Variants in AFF1 observed in about 807,000 individuals in gnomAD.
The protein encoded by AFF1 is ALF transcription elongation factor 1, also known as AF4/FMR2 family member 1.
A neutral mutation model predicts 121.7 loss-of-function variants in AFF1; 48 were observed. The observed-to-expected ratio is 0.39, with a 90% CI of 0.31 to 0.50. The LOEUF is 0.50. AFF1 is among the 20% of genes least tolerant of loss of function. AFF1 has a pLI of 0.76. For synonymous variants in AFF1, 613 were observed against 563.0 expected, an observed-to-expected ratio of 1.09 and a Z score of -1.26; for missense variants, 1,523 against 1,511.7, an observed-to-expected ratio of 1.01 and a Z score of -0.12.
In AFF1 at chr4:87,111,208, G is replaced by A. The variant is rs1429239325; in HGVS notation, c.1533+2893G>A. 1.3e-4 allele frequency among the ~76,000 whole-genome samples: 9 copies of A among 68,038 alleles called. 1 individual carries two copies. In the South Asian group the frequency reaches 1.7e-3, roughly 13 times the overall value. 44.6% of individuals were successfully genotyped at this position (68,038 alleles called of 152,430 possible). On this transcript the variant is annotated intron_variant, in intron 11 of 20. Coordinates refer to ENST00000395146, the MANE Select transcript of AFF1 (RefSeq NM_001166693.3). Reference sequence around the variant, plus strand: ...ATTTTTTTTTTTTTTTAGTAGAGACGGGGTTTCACCGTGTTAGCCAGGATG... The same window carrying A: ...ATTTTTTTTTTTTTTTAGTAGAGACAGGGTTTCACCGTGTTAGCCAGGATG...
chr4:87,003,958 C>A (rs75999355), intron 2 of AFF1, among the ~76,000 whole-genome samples: 21 of 152,278 alleles, frequency 1.4e-4, no homozygotes, highest in Admixed American at 4.6e-4. Context: ...AAGACTGAAC[C>A]AAAAACTTCT....
At chr4:87,044,339 G>A (rs1578134530) in intron 2 of AFF1, among the ~76,000 whole-genome samples, 1 of 152,180 alleles carries the variant, frequency 6.6e-6, no homozygotes, top group South Asian at 2.1e-4. Flanking sequence ...TAATCTAAAA[G>A]TATTTAATGA....
At chr4:87,114,255 T>G in intron 11 of AFF1, 112 bp from the exon 12 acceptor site, 1 of 901,336 alleles carries the variant, frequency 1.1e-6, no homozygotes, top group Non-Finnish European at 1.6e-6. Flanking sequence ...ATTCTGGGTT[T>G]GGAAGTATTT....
At chr4:86,954,965 AT>A (rs1409995240) in intron 2 of AFF1, among the ~76,000 whole-genome samples, 6 of 152,100 alleles carry the variant, frequency 3.9e-5, no homozygotes, top group African/African-American at 1.4e-4. Context: ...TATATTACTT[AT>A]GTAATCACTT....
chr4:86,994,740 T>TAATG (rs1724984697), intron 2 of AFF1, among the ~76,000 whole-genome samples: 2 of 152,238 alleles, frequency 1.3e-5, no homozygotes, highest in African/African-American at 4.8e-5. Flanking sequence ...AGAGTTTAGA[T>TAATG]AATGGTAAGG....
intron 11 of AFF1, among the ~76,000 whole-genome samples, chr4:87,110,765 A>G (rs1178585121): frequency 6.6e-6 from 1 of 152,148 alleles, no homozygotes; most frequent in Non-Finnish European, 1.5e-5. Flanking sequence ...CAAATATACT[A>G]ACTTTTGCCA....
chr4:87,047,594 GGT>G lies in AFF1; in HGVS notation c.1059+6_1059+7del. Reference sequence around the variant, plus strand: ...TGAAGATGCCTTCTCAGTCAGTTGAGGTGTGTGGAATTTCTTATCTTGGGGAA... The same window carrying G: ...TGAAGATGCCTTCTCAGTCAGTTGAGGTGTGGAATTTCTTATCTTGGGGAA... On this transcript the variant is annotated splice_donor_variant, in intron 4 of 20. Transcript: ENST00000395146. LOFTEE classifies it high-confidence loss of function. 1.9e-6 allele frequency: 3 copies of G among 1,614,140 alleles called. No homozygotes were observed. Among genetic ancestry groups the G allele is most frequent in the Non-Finnish European group, 2.5e-6 (3 of 1,180,032 alleles).
At chr4:87,050,779 TC>T (rs202051626) in intron 4 of AFF1, among the ~76,000 whole-genome samples, 1,882 of 152,322 alleles carry the variant, frequency 0.012, 16 homozygotes, top group Non-Finnish European at 0.02. Flanking sequence ...GGCCCAGAAC[TC>T]CGCGATCTCA....
intron 13 of AFF1, 90 bp from the exon 14 acceptor site, chr4:87,126,007 CTT>C (rs913534719): frequency 2.1e-5 from 27 of 1,296,690 alleles, no homozygotes; most frequent in Non-Finnish European, 3.0e-5. Flanking sequence ...ATACCCTACT[CTT>C]TTGTGCCAGC....
Position 87,108,624 on chromosome 4 carries a change from C to A in AFF1, c.1533+309C>A, listed in dbSNP as rs547759593. 2.0e-5 allele frequency among the ~76,000 whole-genome samples: 3 copies of A among 152,240 alleles called. No homozygotes were observed. The East Asian group carries it at 5.8e-4, about 29-fold the overall frequency. ...GACTGTTTGCACACCATTTTCTTTT[C>A]CCTTCTTTTAGAAAGAAAACTTGGT... is the stretch of plus-strand genomic sequence containing the variant. On this transcript the variant is annotated intron_variant, in intron 11 of 20. Transcript: ENST00000395146.
chr4:87,131,352 C>A, intron 17 of AFF1, 133 bp downstream of exon 17: 1 of 1,194,850 alleles, frequency 8.4e-7, no homozygotes, highest in South Asian at 1.5e-5. Context: ...GGTCTAAGAA[C>A]TAGTGTTTGT....
At chr4:86,952,468 GTAT>G (rs896798990) in intron 2 of AFF1, among the ~76,000 whole-genome samples, 8 of 152,110 alleles carry the variant, frequency 5.3e-5, no homozygotes, top group South Asian at 2.1e-4. Context: ...TTAGGTAAAA[GTAT>G]TATCATTGGC....
chr4:87,043,980 A>G (rs1730416509), intron 2 of AFF1, among the ~76,000 whole-genome samples: 1 of 152,222 alleles, frequency 6.6e-6, no homozygotes, highest in South Asian at 2.1e-4. Flanking sequence ...GACCACAGCC[A>G]GCTAATTTTT....
chr4:87,091,669 C>T, intron 6 of AFF1, 124 bp from the exon 7 acceptor site: 1 of 660,398 alleles, frequency 1.5e-6, no homozygotes, highest in African/African-American at 1.9e-5. Flanking sequence ...ACACTGTTTC[C>T]ATTTTTCTAG....
At chr4:87,070,162 C>G (rs1024073058) in intron 4 of AFF1, among the ~76,000 whole-genome samples, 1 of 152,226 alleles carries the variant, frequency 6.6e-6, no homozygotes, top group South Asian at 2.1e-4. Context: ...CGCCACCACA[C>G]CACGCTAATT....
chr4:87,074,209 G>A (rs559350572), intron 4 of AFF1, among the ~76,000 whole-genome samples: 1 of 152,224 alleles, frequency 6.6e-6, no homozygotes, highest in South Asian at 2.1e-4. Context: ...TGTAGAAGGG[G>A]AAATAGATCA....
At chr4:86,942,816 T>C (rs1720564197) in intron 1 of AFF1, among the ~76,000 whole-genome samples, 1 of 152,186 alleles carries the variant, frequency 6.6e-6, no homozygotes. Flanking sequence ...GACAACATGC[T>C]AAATAGGCAA....
chr4:87,133,106 C>A (rs1481216490), intron 19 of AFF1, among the ~76,000 whole-genome samples: 1 of 152,220 alleles, frequency 6.6e-6, no homozygotes. Context: ...AGCTTCTTGG[C>A]ATTTCAGTAA....
chr4:86,971,506 T>G (rs549042611), intron 2 of AFF1, among the ~76,000 whole-genome samples: 1 of 152,350 alleles, frequency 6.6e-6, no homozygotes, highest in South Asian at 2.1e-4. Context: ...AAGCAGTAGT[T>G]TAGCTTACCT....
Sources: gnomAD v4.1 joint callset for allele counts (sites outside exome capture counted in the v4.1 genomes callset) on GRCh38, gnomAD v4.1.1 for gene constraint, MANE v1.5 for transcripts, NCBI Gene and HGNC (gene_info 2026-07-23, HGNC 2026-07-21) for gene names.